Variants in CENPK observed in about 807,000 individuals in gnomAD.
The protein encoded by CENPK is SoxLZ/Sox6-binding protein Solt.
In CENPK, 46 loss-of-function variants were observed where a neutral mutation model predicts 40.9. The ratio of observed to expected loss-of-function variants is 1.13; its 90% CI spans 0.89 to 1.44. The LOEUF (loss-of-function observed/expected upper bound fraction) is 1.44, where lower values mean the gene tolerates loss of function less well. CENPK is among the 40% of genes most tolerant of loss of function. The pLI, the probability that CENPK is intolerant of heterozygous loss-of-function variation, is 0.00. For synonymous variants in CENPK, 107 were observed against 104.4 expected (o/e 1.02, Z -0.15); for missense variants, 288 against 303.5 (o/e 0.95, Z 0.38).
At chr5:65,538,914 C>T (rs1684413905) in intron 6 of CENPK, among the ~76,000 whole-genome samples, 1 of 152,190 alleles carries the variant, frequency 6.6e-6, no homozygotes, top group Admixed American at 6.5e-5. Flanking sequence ...TAGCTCCACA[C>T]TTGAACTCTG....
the CENPK span, among the ~76,000 whole-genome samples, chr5:65,508,803 A>AG: frequency 6.6e-6 from 1 of 151,718 alleles, no homozygotes; most frequent in East Asian, 1.9e-4. Flanking sequence ...AAAAAAAAAA[A>AG]AAAGCTAAAA....
At chr5:65,537,916 T>C (rs899720497) in intron 6 of CENPK, among the ~76,000 whole-genome samples, 1 of 152,232 alleles carries the variant, frequency 6.6e-6, no homozygotes, top group Non-Finnish European at 1.5e-5. Flanking sequence ...CATGTTTTCA[T>C]TCCTCCTGGG....
At chr5:65,514,148 G>C (rs554012186), downstream of CENPK, among the ~76,000 whole-genome samples, 11 of 147,010 alleles carry the variant, frequency 7.5e-5, no homozygotes, top group Admixed American at 6.1e-4. Flanking sequence ...CTATGTTCAT[G>C]AGAGATACTA....
chr5:65,546,952 A>C (rs6873974), intron 5 of CENPK, among the ~76,000 whole-genome samples: 2,221 of 152,328 alleles, frequency 0.015, 47 homozygotes, highest in African/African-American at 0.051. Context: ...ATAAAAACAG[A>C]AGAAGATATA....
At chr5:65,534,611 G>T (rs1434983691) in intron 6 of CENPK, among the ~76,000 whole-genome samples, 4 of 152,232 alleles carry the variant, frequency 2.6e-5, no homozygotes, top group Admixed American at 2.6e-4. Context: ...CAACAAAAGT[G>T]TAAAGGAAAT....
the CENPK span, among the ~76,000 whole-genome samples, chr5:65,512,301 G>A: frequency 3.3e-5 from 5 of 152,220 alleles, no homozygotes; most frequent in Non-Finnish European, 7.3e-5. Flanking sequence ...CAGGGTTTGA[G>A]AGGAGTGACT....
At chr5:65,529,317 A>G in intron 6 of CENPK, 118 bp from the exon 7 acceptor site, 3 of 655,208 alleles carry the variant, frequency 4.6e-6, no homozygotes, top group Non-Finnish European at 7.8e-6. Context: ...GTAGTGAAAA[A>G]GCCTAGCAGA....
In CENPK at chr5:65,551,547, T is replaced by G; in HGVS notation, c.241+17A>C. The G allele has an allele frequency of 1.4e-6, 2 of 1,416,578 alleles. No homozygotes were observed. Among genetic ancestry groups the G allele is most frequent in the South Asian group, 2.6e-5 (2 of 78,284 alleles). 87.8% of individuals were successfully genotyped at this position (1,416,578 alleles called of 1,614,324 possible). A position where few individuals can be genotyped will look rare whatever the true frequency, so the allele number is the denominator to read the frequency against. ...AATAGGTTTACAAAAAATTCAAATT[T>G]AAAATAAGAATCTTACTTTCAGGTG... On this transcript the variant is annotated intron_variant, in intron 5 of 10. Transcript: ENST00000396679.
chr5:65,551,809 G>T lies in CENPK; in HGVS notation c.169-173C>A, dbSNP rs10070413. 1.5e-3 allele frequency among the ~76,000 whole-genome samples: 232 copies of T among 152,114 alleles called. 1 individual carries two copies. The highest frequency in any genetic ancestry group is 5.5e-3 in the African/African-American group (229 of 41,494). ...TCTTAATCTGTTTCACTGATCCACT[G>T]ATCTATTCCTACAGCAATTCCATAA... On this transcript the variant is annotated intron_variant, in intron 4 of 10. Coordinates refer to ENST00000396679, the MANE Select transcript of CENPK (RefSeq NM_022145.5).
At chr5:65,548,811 TC>T (rs1749465560) in intron 5 of CENPK, among the ~76,000 whole-genome samples, 1 of 152,156 alleles carries the variant, frequency 6.6e-6, no homozygotes, top group Non-Finnish European at 1.5e-5. Context: ...AGACTCCACT[TC>T]TAATTCTAGT....
intron 2 of CENPK, among the ~76,000 whole-genome samples, chr5:65,557,603 G>C (rs939927577): frequency 6.6e-6 from 1 of 152,192 alleles, no homozygotes; most frequent in Admixed American, 6.5e-5. Flanking sequence ...TCAACTCCCA[G>C]ACATACACAC....
chr5:65,553,509 C>T (rs1292640035), intron 3 of CENPK, among the ~76,000 whole-genome samples: 1 of 152,190 alleles, frequency 6.6e-6, no homozygotes, highest in Non-Finnish European at 1.5e-5. Context: ...GCAGTTCTAT[C>T]TCACCAACTT....
chr5:65,545,601 G>A (rs1463096558), intron 5 of CENPK, among the ~76,000 whole-genome samples: 1 of 152,040 alleles, frequency 6.6e-6, no homozygotes, highest in Non-Finnish European at 1.5e-5. Context: ...CTAAAAGAAC[G>A]GCTCAAGGAA....
In CENPK at chr5:65,552,541, A is replaced by C; in HGVS notation, c.120T>G (p.Asn40Lys). 6.5e-7 allele frequency: 1 copy of C among 1,537,944 alleles called. No homozygotes were observed. The highest frequency in any genetic ancestry group is 8.8e-7 in the Non-Finnish European group (1 of 1,142,672). ...TTTCAGTTCCAATAAGTGATAATTTATTCTGACACTTGATTTAAAAAGTAA... is the reference window on the plus strand; with the variant it reads ...TTTCAGTTCCAATAAGTGATAATTTCTTCTGACACTTGATTTAAAAAGTAA... ...EMWKDMEECQNKLSLIGTETL... is the reference protein window; with the variant it reads ...EMWKDMEECQKKLSLIGTETL... The change falls in exon 4 of 11, where the codon AAT becomes AAG. Residue 40 changes from asparagine (N) to lysine (K), a missense_variant. Physicochemically the swap from Asn to Lys is moderately conservative, Grantham distance 94. Transcript: ENST00000396679.
rs999883472 is a variant in CENPK, at chr5:65,558,954, C to T, written c.-40+2509G>A. Among the ~76,000 whole-genome samples the T allele has an allele frequency of 3.9e-5, 6 of 152,178 alleles. No individual in the cohort carries two copies. In the South Asian group the frequency reaches 1.2e-3, roughly 31 times the overall value. On this transcript the variant is annotated intron_variant, in intron 2 of 10. Coordinates refer to ENST00000396679, the MANE Select transcript of CENPK (RefSeq NM_022145.5). The stretch of plus-strand genomic sequence containing the variant: ...AAGGAATGAGGGTGAGTAAAACAAT[C>T]TTGCTAGATGATTCCTGCAAAGAAT...
In CENPK at chr5:65,521,627, T is replaced by C. The variant is rs1378296426; in HGVS notation, c.598-99A>G. On this transcript the variant is annotated intron_variant, in intron 9 of 10. Coordinates refer to ENST00000396679, the MANE Select transcript of CENPK (RefSeq NM_022145.5). ...TAAGACTTTTATTTCTGAGACAGAG[T>C]TTCATTCTTGGCGCCCAGGCTGGAG... 5.8e-6 allele frequency: 5 copies of C among 855,342 alleles called. No homozygotes were observed. The Admixed American group carries it at 1.3e-4, about 22-fold the overall frequency. 53.0% of individuals were successfully genotyped at this position (855,342 alleles called of 1,614,324 possible).
chr5:65,543,297 T>C (rs1748306612), intron 5 of CENPK, among the ~76,000 whole-genome samples: 1 of 152,236 alleles, frequency 6.6e-6, no homozygotes, highest in Non-Finnish European at 1.5e-5. Context: ...GCCAACTATA[T>C]ATAATTTTAG....
chr5:65,504,051 G>A, the CENPK span, among the ~76,000 whole-genome samples: 4 of 151,918 alleles, frequency 2.6e-5, no homozygotes, highest in Admixed American at 6.6e-5. Context: ...CTTTGCTTGC[G>A]ATCATTATAC....
In CENPK at chr5:65,557,264, T is replaced by G. The variant is rs1207330270; in HGVS notation, c.-39-2318A>C. On this transcript the variant is annotated intron_variant, in intron 2 of 10. Coordinates refer to ENST00000396679, the MANE Select transcript of CENPK (RefSeq NM_022145.5). ...AGAATTGACAATTTATTTAGTAATA[T>G]AGAGGAGCAAACTGTTTTTTCTAAA... 5.3e-5 allele frequency among the ~76,000 whole-genome samples: 8 copies of G among 152,184 alleles called. No individual in the cohort carries two copies. The South Asian group carries it at 1.7e-3, about 32-fold the overall frequency.
Sources: gnomAD v4.1 joint callset for allele counts (sites outside exome capture counted in the v4.1 genomes callset) on GRCh38, gnomAD v4.1.1 for gene constraint, MANE v1.5 for transcripts, NCBI Gene and HGNC (gene_info 2026-07-23, HGNC 2026-07-21) for gene names.